SH3KBP1: variants seen among roughly 807,000 people sequenced by gnomAD.
The protein encoded by SH3KBP1 is SH3 domain containing kinase binding protein 1, also known as SH3 domain-containing kinase-binding protein 1.
Under a neutral mutation model 50.1 loss-of-function variants are expected in SH3KBP1, and 8 were observed. The observed-to-expected ratio is 0.16, with a 90% CI of 0.09 to 0.29. SH3KBP1 has a LOEUF of 0.29. Ranked by LOEUF, SH3KBP1 falls within the 10% of genes least tolerant of loss-of-function variation. The pLI is 1.00. For synonymous variants in SH3KBP1, 227 were observed against 218.6 expected, an observed-to-expected ratio of 1.04 and a Z score of -0.34; for missense variants, 377 against 535.2, an observed-to-expected ratio of 0.70 and a Z score of 2.92.
chrX:19,793,895 C>A (rs759952543), intron 2 of SH3KBP1, among the ~76,000 whole-genome samples: 1 of 111,195 alleles, frequency 9.0e-6, no homozygotes, highest in Non-Finnish European at 1.9e-5. Flanking sequence ...ATCTTACTAG[C>A]TTGGTGACCA....
chrX:19,873,885 C>T (rs1221939972), intron 1 of SH3KBP1, among the ~76,000 whole-genome samples: 6 of 102,181 alleles, frequency 5.9e-5, no homozygotes, highest in African/African-American at 1.1e-4. Context: ...CCTGTCCCTG[C>T]TAAAAATACA....
chrX:19,757,531 C>T (rs1212318592), intron 2 of SH3KBP1, among the ~76,000 whole-genome samples: 1 of 104,328 alleles, frequency 9.6e-6, no homozygotes. Flanking sequence ...TGCATTTTTC[C>T]TCTGCCCCAT....
At chrX:19,846,966 C>T (rs1257017821) in intron 1 of SH3KBP1, among the ~76,000 whole-genome samples, 2 of 111,481 alleles carry the variant, frequency 1.8e-5, no homozygotes, top group Non-Finnish European at 3.8e-5. Flanking sequence ...AAGCAAAAGC[C>T]TTCCTGTTGA....
intron 12 of SH3KBP1, among the ~76,000 whole-genome samples, chrX:19,586,540 T>G (rs535229115): frequency 1.8e-5 from 2 of 112,187 alleles, no homozygotes; most frequent in Non-Finnish European, 3.8e-5. Context: ...AAATGATCCT[T>G]GCTAAGGTCA....
At chrX:19,654,957 G>A (rs758806562) in intron 6 of SH3KBP1, among the ~76,000 whole-genome samples, 4 of 111,838 alleles carry the variant, frequency 3.6e-5, no homozygotes, top group Admixed American at 9.5e-5. Flanking sequence ...AATATTTTAC[G>A]TATTCAATCA....
chrX:19,545,719 T>A (rs1006301309), intron 15 of SH3KBP1, among the ~76,000 whole-genome samples: 1 of 112,043 alleles, frequency 8.9e-6, no homozygotes, highest in Non-Finnish European at 1.9e-5. Flanking sequence ...ACATGGGAAA[T>A]AAACAACTGA....
At chrX:19,860,103 C>T (rs2068744556) in intron 1 of SH3KBP1, among the ~76,000 whole-genome samples, 1 of 109,414 alleles carries the variant, frequency 9.1e-6, no homozygotes, top group Non-Finnish European at 1.9e-5. Context: ...AATATTATTC[C>T]CAGCCTTAAA....
intron 7 of SH3KBP1, among the ~76,000 whole-genome samples, chrX:19,638,865 A>G (rs2061781823): frequency 8.9e-6 from 1 of 112,152 alleles, no homozygotes; most frequent in Non-Finnish European, 1.9e-5. Flanking sequence ...CATGCCAGGC[A>G]GCAGGGATGC....
intron 1 of SH3KBP1, among the ~76,000 whole-genome samples, chrX:19,881,259 G>A (rs905216163): frequency 2.7e-5 from 3 of 111,944 alleles, no homozygotes; most frequent in Non-Finnish European, 5.6e-5. Context: ...CAGAAGGGTA[G>A]ACACATAGGG....
At chrX:19,848,143 T>C (rs2068411217) in intron 1 of SH3KBP1, among the ~76,000 whole-genome samples, 1 of 111,958 alleles carries the variant, frequency 8.9e-6, no homozygotes, top group Non-Finnish European at 1.9e-5. Flanking sequence ...TTTTCTGAAA[T>C]AATCACATTC....
At chrX:19,861,505 T>C (rs2068777972) in intron 1 of SH3KBP1, among the ~76,000 whole-genome samples, 1 of 112,197 alleles carries the variant, frequency 8.9e-6, no homozygotes, top group Non-Finnish European at 1.9e-5. Context: ...GATAAAATTA[T>C]AAATTTTATT....
rs1491195501 is a variant in SH3KBP1 at position 19,668,974 on chromosome X, A to ATATTTT, written c.726+14848_726+14849insAAAATA. ...TATATATATATATATATATATATATATTTTTTGAGACAGGCTGTCACTCTG... is the reference window on the plus strand; with the variant it reads ...TATATATATATATATATATATATATATATTTTTTTTTTGAGACAGGCTGTCACTCTG... On this transcript the variant is annotated intron_variant, in intron 6 of 17. Transcript: ENST00000397821. 1.7e-3 allele frequency among the ~76,000 whole-genome samples: 107 copies of ATATTTT among 63,871 alleles called. 1 individual carries two copies. The highest frequency in any genetic ancestry group is 3.0e-3 in the Non-Finnish European group (100 of 33,861). 55.5% of individuals were successfully genotyped at this position (63,871 alleles called of 115,157 possible). A position where few individuals can be genotyped will look rare whatever the true frequency, so the allele number is the denominator to read the frequency against.
At chrX:19,827,135 A>G (rs1390122134) in intron 2 of SH3KBP1, among the ~76,000 whole-genome samples, 1 of 111,997 alleles carries the variant, frequency 8.9e-6, no homozygotes, top group Non-Finnish European at 1.9e-5. Context: ...TAAAACACCT[A>G]GCAAATGAAA....
At chrX:19,648,040 C>A in intron 6 of SH3KBP1, 1 of 374,774 alleles carries the variant, frequency 2.7e-6, no homozygotes, top group Non-Finnish European at 5.2e-6. Flanking sequence ...TATGAAACAT[C>A]TTTTTAACTC....
intron 1 of SH3KBP1, 24 bp downstream of exon 1, chrX:19,887,283 C>T (rs1405067209): frequency 1.5e-4 from 149 of 972,366 alleles, no homozygotes; most frequent in Non-Finnish European, 1.9e-4. Context: ...AGTGGACGCC[C>T]GGACGCGGGC....
In SH3KBP1 at chrX:19,713,543, T is replaced by A. The variant is rs1454133471; in HGVS notation, c.287-6559A>T. ...TCCCAAAGTGCTGGGATTACAAGAG[T>A]GAGTCATCACACCTAGCCAAAAAAA... On this transcript the variant is annotated intron_variant, in intron 3 of 17. Coordinates refer to ENST00000397821, the MANE Select transcript of SH3KBP1 (RefSeq NM_031892.3). Among the ~76,000 whole-genome samples the A allele has an allele frequency of 5.6e-5, 6 of 107,469 alleles. No individual in the cohort carries two copies. In the South Asian group the frequency reaches 2.4e-3, roughly 43 times the overall value. 93.3% of individuals were successfully genotyped at this position (107,469 alleles called of 115,157 possible).
intron 13 of SH3KBP1, among the ~76,000 whole-genome samples, chrX:19,563,708 G>A (rs1458417435): frequency 3.6e-5 from 4 of 112,121 alleles, no homozygotes; most frequent in Admixed American, 9.4e-5. Context: ...CATGGGCACC[G>A]CAGCCCGTCA....
intron 1 of SH3KBP1, among the ~76,000 whole-genome samples, chrX:19,846,688 T>G (rs2068375556): frequency 8.9e-6 from 1 of 112,277 alleles, no homozygotes; most frequent in African/African-American, 3.2e-5. Context: ...TATGTATTAA[T>G]GTAATTACAG....
intron 2 of SH3KBP1, among the ~76,000 whole-genome samples, chrX:19,774,654 A>AAAAGAAAGAAAG (rs3999801): frequency 0.036 from 2,771 of 77,193 alleles, 60 homozygotes; most frequent in East Asian, 0.05. Flanking sequence ...GTCTCAAAAA[A>AAAAGAAAGAAAG]AAAGAAAGAA....
Sources: allele counts gnomAD v4.1 joint callset (sites outside exome capture counted in the v4.1 genomes callset), GRCh38; gene constraint gnomAD v4.1.1; transcripts MANE v1.5; gene names NCBI Gene and HGNC (gene_info 2026-07-23, HGNC 2026-07-21).